TBC1D22A: variants seen among roughly 807,000 people sequenced by gnomAD.
TBC1D22A encodes TBC1 domain family member 22A.
In TBC1D22A, 38 loss-of-function variants were observed where a neutral mutation model predicts 60.2. The ratio of observed to expected loss-of-function variants is 0.63; its 90% CI spans 0.49 to 0.83. The LOEUF is 0.83. Ranked by LOEUF, TBC1D22A falls within the 40% of genes least tolerant of loss-of-function variation. The pLI is 0.00. For missense variants in TBC1D22A, 628 were observed against 701.0 expected (o/e 0.90, Z 1.18); for synonymous variants, 302 against 281.7 (o/e 1.07, Z -0.72).
intron 7 of TBC1D22A, among the ~76,000 whole-genome samples, chr22:46,901,319 G>C (rs1366124909): frequency 6.6e-6 from 1 of 152,202 alleles, no homozygotes; most frequent in Non-Finnish European, 1.5e-5. Flanking sequence ...GTTATGCCCG[G>C]ATGTGGAATC....
chr22:46,861,735 C>G (rs1284154028), intron 4 of TBC1D22A, among the ~76,000 whole-genome samples: 1 of 152,258 alleles, frequency 6.6e-6, no homozygotes, highest in Non-Finnish European at 1.5e-5. Context: ...AATTGTGTAT[C>G]CCGGCCGCAC....
At position 46,779,605 on chromosome 22, in the gene TBC1D22A, T is replaced by C. The variant is rs73888672; in HGVS notation, c.63-12915T>C. 7.2e-3 allele frequency among the ~76,000 whole-genome samples: 1,102 copies of C among 152,338 alleles called. 15 individuals carry two copies. Among genetic ancestry groups the C allele is most frequent in the African/African-American group, 0.025 (1,033 of 41,582 alleles). On this transcript the variant is annotated intron_variant, in intron 1 of 12. Transcript: ENST00000337137. ...CATTTCCTTCATATTTTCTGTTTTC[T>C]ATAATAAACACACATTGCTTTTGTT... is the stretch of plus-strand genomic sequence containing the variant.
At chr22:46,891,433 A>G (rs2068402904) in intron 6 of TBC1D22A, 39 bp downstream of exon 6, 1 of 1,565,794 alleles carries the variant, frequency 6.4e-7, no homozygotes, top group Non-Finnish European at 8.6e-7. Context: ...TGCCTGATGT[A>G]CTTTGCTTTG....
rs117437026 is a variant in TBC1D22A, at chr22:47,066,583, C to T, written c.1329+29385C>T. ...GGGAAGCACAGCCTGGCTGTGTGTCCACTATAAGGTATTCCCGTGGAAGGC... is the reference window on the plus strand; with the variant it reads ...GGGAAGCACAGCCTGGCTGTGTGTCTACTATAAGGTATTCCCGTGGAAGGC... On this transcript the variant is annotated intron_variant, in intron 11 of 12. Coordinates refer to ENST00000337137, the MANE Select transcript of TBC1D22A (RefSeq NM_014346.5). Among the ~76,000 whole-genome samples, 106 of 152,316 alleles carry T rather than the reference C, an allele frequency of 7.0e-4. 1 individual carries two copies. The East Asian group carries it at 0.018, about 26-fold the overall frequency.
chr22:46,967,100 A>G (rs2073839595), intron 8 of TBC1D22A, among the ~76,000 whole-genome samples: 1 of 152,182 alleles, frequency 6.6e-6, no homozygotes, highest in South Asian at 2.1e-4. Context: ...GGATGGCCCA[A>G]GCTTACAGCC....
At chr22:46,938,975 C>T (rs2147929727) in intron 8 of TBC1D22A, among the ~76,000 whole-genome samples, 1 of 151,884 alleles carries the variant, frequency 6.6e-6, no homozygotes, top group Middle Eastern at 3.4e-3. Flanking sequence ...GTGGAATAAA[C>T]CATATCTTTT....
chr22:46,767,627 C>T (rs188686757), intron 1 of TBC1D22A, among the ~76,000 whole-genome samples: 12 of 152,286 alleles, frequency 7.9e-5, no homozygotes, highest in Admixed American at 7.8e-4. Context: ...GTGACAGCTG[C>T]TATCAAAACA....
chr22:46,950,017 G>A (rs2072801743), intron 8 of TBC1D22A, among the ~76,000 whole-genome samples: 1 of 152,220 alleles, frequency 6.6e-6, no homozygotes, highest in African/African-American at 2.4e-5. Context: ...GGTTAACATG[G>A]CCTTTTTTGA....
chr22:46,843,414 C>T (rs1189530439), intron 4 of TBC1D22A, among the ~76,000 whole-genome samples: 1 of 148,524 alleles, frequency 6.7e-6, no homozygotes, highest in Non-Finnish European at 1.5e-5. Flanking sequence ...CCTGGGATGC[C>T]AGGGGATTGA....
Position 46,849,503 on chromosome 22 carries a change from G to A in TBC1D22A, c.638-29150G>A, listed in dbSNP as rs75112408. ...TCTCTGTCATCTTTATTAGAGAACAGCTAAGTCAAGTCACCTGTCCTGGGC... is the reference window on the plus strand; with the variant it reads ...TCTCTGTCATCTTTATTAGAGAACAACTAAGTCAAGTCACCTGTCCTGGGC... On this transcript the variant is annotated intron_variant, in intron 4 of 12. Transcript: ENST00000337137. Among the ~76,000 whole-genome samples the A allele has an allele frequency of 8.7e-3, 1,327 of 152,274 alleles. 25 individuals carry two copies. Among genetic ancestry groups the A allele is most frequent in the African/African-American group, 0.03 (1,264 of 41,558 alleles).
chr22:47,093,240 C>T (rs943265810), intron 11 of TBC1D22A, among the ~76,000 whole-genome samples: 6 of 152,178 alleles, frequency 3.9e-5, no homozygotes, highest in Middle Eastern at 3.2e-3. Context: ...TGTGTCTTGG[C>T]GGCCAGCAGG....
rs540454560 is a variant in TBC1D22A at position 46,802,396 on chromosome 22, A to T, written c.637+4776A>T. 4.6e-5 allele frequency among the ~76,000 whole-genome samples: 7 copies of T among 152,340 alleles called. No individual in the cohort carries two copies. In the East Asian group the frequency reaches 5.8e-4, roughly 13 times the overall value. ...TGCAGTTGGCTGTTTCTGGGGCGAGATCTGCACGGAGTCAGGTATTTGAAG... is the reference window on the plus strand; with the variant it reads ...TGCAGTTGGCTGTTTCTGGGGCGAGTTCTGCACGGAGTCAGGTATTTGAAG... On this transcript the variant is annotated intron_variant, in intron 4 of 12. Coordinates refer to ENST00000337137, the MANE Select transcript of TBC1D22A (RefSeq NM_014346.5).
At chr22:46,878,122 T>C (rs954953342) in intron 4 of TBC1D22A, among the ~76,000 whole-genome samples, 9 of 151,964 alleles carry the variant, frequency 5.9e-5, no homozygotes, top group African/African-American at 1.9e-4. Flanking sequence ...TAATTAATGG[T>C]GTATAAAGAC....
rs1405202987 is a variant in TBC1D22A at position 46,797,316 on chromosome 22, G to C, written c.461-128G>C. On this transcript the variant is annotated intron_variant, in intron 3 of 12. Coordinates refer to ENST00000337137, the MANE Select transcript of TBC1D22A (RefSeq NM_014346.5). The stretch of plus-strand genomic sequence containing the variant: ...CCATGTTATTGCTCAAGAAACCAAG[G>C]TCCCCACTGCTGAGTGATGGGAAGA... The C allele has an allele frequency of 3.3e-5, 32 of 981,716 alleles. No homozygotes were observed. In the South Asian group the frequency reaches 4.1e-4, roughly 13 times the overall value. 60.8% of individuals were successfully genotyped at this position (981,716 alleles called of 1,614,324 possible). A position where few individuals can be genotyped will look rare whatever the true frequency, so the allele number is the denominator to read the frequency against.
chr22:47,155,794 G>A (rs914016434), intron 12 of TBC1D22A, among the ~76,000 whole-genome samples: 4 of 151,586 alleles, frequency 2.6e-5, no homozygotes, highest in Non-Finnish European at 5.9e-5. Flanking sequence ...GCGGACGGGC[G>A]CAGCCTGACC....
intron 11 of TBC1D22A, among the ~76,000 whole-genome samples, chr22:47,042,279 G>A (rs111764281): frequency 0.075 from 11,348 of 152,232 alleles, 859 homozygotes; most frequent in African/African-American, 0.19. Context: ...AGCAGAGACC[G>A]GGAGCCAGGG....
chr22:47,143,602 G>C (rs2067183888), intron 12 of TBC1D22A, among the ~76,000 whole-genome samples: 1 of 152,206 alleles, frequency 6.6e-6, no homozygotes. Flanking sequence ...AACAGAAACT[G>C]GGTCCTGGGA....
intron 4 of TBC1D22A, among the ~76,000 whole-genome samples, chr22:46,864,586 C>G (rs117503355): frequency 6.6e-6 from 1 of 152,190 alleles, no homozygotes; most frequent in African/African-American, 2.4e-5. Context: ...AGTAGATAAA[C>G]GATAACAATC....
At position 46,797,604 on chromosome 22, in the gene TBC1D22A, C is replaced by A. The variant is rs749462594; in HGVS notation, c.621C>A (p.Gly207=). The change falls in exon 4 of 13, where the codon GGC becomes GGA. Residue 207 remains glycine (G), a synonymous_variant. Coordinates refer to ENST00000337137, the MANE Select transcript of TBC1D22A (RefSeq NM_014346.5). ...RLDKFKQLLA[G]PNTDLEELRR... ...ACAAGTTCAAGCAGCTGCTTGCCGG[C>A]CCCAACACGGACCTTGGTAAGCACC... The A allele has an allele frequency of 1.2e-6, 2 of 1,608,196 alleles. No homozygotes were observed. The highest frequency in any genetic ancestry group is 1.7e-6 in the Non-Finnish European group (2 of 1,176,094).
Sources: gnomAD v4.1 joint callset for allele counts (sites outside exome capture counted in the v4.1 genomes callset) on GRCh38, gnomAD v4.1.1 for gene constraint, MANE v1.5 for transcripts, NCBI Gene and HGNC (gene_info 2026-07-23, HGNC 2026-07-21) for gene names.